The following SLC14A2 variants were observed in gnomAD, a reference collection of about 807,000 sequenced individuals.
The protein encoded by SLC14A2 is solute carrier family 14 member 2, also known as urea transporter 2.
Under a neutral mutation model 104.6 loss-of-function variants are expected in SLC14A2, and 91 were observed. The ratio of observed to expected loss-of-function variants is 0.87; its 90% CI spans 0.73 to 1.04. The LOEUF (loss-of-function observed/expected upper bound fraction) is 1.04, where lower values mean the gene tolerates loss of function less well. Among genes scored for constraint, SLC14A2 ranks in the 50% least tolerant of loss-of-function variants. The pLI is 0.00. For synonymous variants in SLC14A2, 476 were observed against 466.4 expected (o/e 1.02, Z -0.27); for missense variants, 1,189 against 1,156.0 (o/e 1.03, Z -0.41).
chr18:45,315,199 G>T lies in SLC14A2; in HGVS notation c.-125+102008G>T, dbSNP rs1226086202. ...CAGGGGCCTCCAGAAGGGAGAAGTT[G>T]AATCATTGGAGTAGTGGGACAAGGG... On this transcript the variant is annotated intron_variant, in intron 1 of 20. Coordinates refer to the SLC14A2 transcript ENST00000586448. Among the ~76,000 whole-genome samples the T allele has an allele frequency of 2.0e-5, 3 of 152,152 alleles. No individual in the cohort carries two copies. The East Asian group carries it at 5.8e-4, about 29-fold the overall frequency.
At chr18:45,445,438 A>G (rs1475746362) in intron 1 of SLC14A2, among the ~76,000 whole-genome samples, 1 of 152,142 alleles carries the variant, frequency 6.6e-6, no homozygotes, top group Non-Finnish European at 1.5e-5. Context: ...GACGTAAGAG[A>G]CATTTGTGAT....
chr18:45,216,776 C>T (rs570872132), intron 1 of SLC14A2, among the ~76,000 whole-genome samples: 2 of 152,296 alleles, frequency 1.3e-5, no homozygotes, highest in African/African-American at 2.4e-5. Flanking sequence ...TCCGATGTTT[C>T]GGTCAACTTA....
At chr18:45,456,496 G>T (rs2705369) in intron 1 of SLC14A2, among the ~76,000 whole-genome samples, 38,789 of 151,956 alleles carry the variant, frequency 0.26, 5,218 homozygotes, top group South Asian at 0.48. Context: ...CCTCAGTAAG[G>T]TGGCTGCATG....
intron 1 of SLC14A2, among the ~76,000 whole-genome samples, chr18:45,270,596 A>T (rs543053310): frequency 1.6e-3 from 243 of 152,276 alleles, no homozygotes; most frequent in African/African-American, 5.1e-3. Context: ...AGTTGTGCTT[A>T]GTTCCTGCAA....
intron 1 of SLC14A2, among the ~76,000 whole-genome samples, chr18:45,422,989 T>C (rs896885527): frequency 6.6e-6 from 1 of 152,190 alleles, no homozygotes; most frequent in Non-Finnish European, 1.5e-5. Flanking sequence ...ATCTTACTTT[T>C]CTACCTCGTT....
chr18:45,245,439 C>A (rs2084359408), intron 1 of SLC14A2, among the ~76,000 whole-genome samples: 1 of 152,158 alleles, frequency 6.6e-6, no homozygotes, highest in Non-Finnish European at 1.5e-5. Flanking sequence ...CTCCCTCAGA[C>A]CCCATAATTA....
intron 1 of SLC14A2, among the ~76,000 whole-genome samples, chr18:45,426,255 G>C (rs762582074): frequency 6.6e-6 from 1 of 152,020 alleles, no homozygotes; most frequent in African/African-American, 2.4e-5. Flanking sequence ...CAAACTTTCT[G>C]TTCCTTGCTG....
chr18:45,199,082 A>G, the SLC14A2 span, among the ~76,000 whole-genome samples: 1 of 152,150 alleles, frequency 6.6e-6, no homozygotes, highest in African/African-American at 2.4e-5. Flanking sequence ...TTACTCTTGA[A>G]GGCATAAAAT....
chr18:45,259,845 T>C (rs1488956737), intron 1 of SLC14A2, among the ~76,000 whole-genome samples: 1 of 152,164 alleles, frequency 6.6e-6, no homozygotes, highest in Non-Finnish European at 1.5e-5. Flanking sequence ...TCTGGGGAAG[T>C]AGATGGCAGG....
chr18:45,214,377 T>C (rs1264405366), intron 1 of SLC14A2, among the ~76,000 whole-genome samples: 1 of 152,048 alleles, frequency 6.6e-6, no homozygotes, highest in Non-Finnish European at 1.5e-5. Flanking sequence ...GGTCTCTGGG[T>C]TGGGGAGATA....
intron 1 of SLC14A2, among the ~76,000 whole-genome samples, chr18:45,363,572 C>T (rs1452622270): frequency 6.6e-6 from 1 of 152,104 alleles, no homozygotes; most frequent in Non-Finnish European, 1.5e-5. Context: ...ATTGTCCCAG[C>T]TCAGACTCAT....
At chr18:45,630,004 C>T (rs1301585547) in intron 4 of SLC14A2, among the ~76,000 whole-genome samples, 2 of 152,368 alleles carry the variant, frequency 1.3e-5, no homozygotes, top group East Asian at 3.9e-4. Context: ...CAGGGAGCCA[C>T]TCCTGATTCC....
chr18:45,326,434 T>C (rs142790196), intron 1 of SLC14A2, among the ~76,000 whole-genome samples: 40 of 152,250 alleles, frequency 2.6e-4, no homozygotes, highest in African/African-American at 8.9e-4. Context: ...CTAAAATGTA[T>C]AGGAAAGCTA....
At chr18:45,232,054 T>C (rs1223165293) in intron 1 of SLC14A2, among the ~76,000 whole-genome samples, 1 of 149,284 alleles carries the variant, frequency 6.7e-6, no homozygotes, top group Non-Finnish European at 1.5e-5. Context: ...AAAAACAAAA[T>C]GATGAGTGAA....
At chr18:45,463,761 G>A (rs529616365) in intron 1 of SLC14A2, among the ~76,000 whole-genome samples, 2 of 152,326 alleles carry the variant, frequency 1.3e-5, no homozygotes, top group South Asian at 2.1e-4. Context: ...CCTAGTGAGA[G>A]TGTGTGGATA....
At chr18:45,353,159 T>C (rs1254305674) in intron 1 of SLC14A2, among the ~76,000 whole-genome samples, 1 of 152,206 alleles carries the variant, frequency 6.6e-6, no homozygotes, top group Non-Finnish European at 1.5e-5. Context: ...CCTGTTAAGC[T>C]AGGTTACCGT....
intron 1 of SLC14A2, among the ~76,000 whole-genome samples, chr18:45,283,905 T>C (rs2032887608): frequency 6.6e-6 from 1 of 152,162 alleles, no homozygotes; most frequent in South Asian, 2.1e-4. Flanking sequence ...AATGTCTAAA[T>C]TGAAGTGTGC....
chr18:45,415,623 G>A (rs1194655867), intron 1 of SLC14A2, among the ~76,000 whole-genome samples: 1 of 152,058 alleles, frequency 6.6e-6, no homozygotes, highest in Non-Finnish European at 1.5e-5. Context: ...ACTGATAATG[G>A]TTGAAATAAA....
At chr18:45,422,878 G>A (rs560040929) in intron 1 of SLC14A2, among the ~76,000 whole-genome samples, 21 of 152,220 alleles carry the variant, frequency 1.4e-4, no homozygotes, top group Non-Finnish European at 2.8e-4. Flanking sequence ...TCATCAGTGC[G>A]ATTTGTACAC....
Sources: gnomAD v4.1 joint callset for allele counts (sites outside exome capture counted in the v4.1 genomes callset) on GRCh38, gnomAD v4.1.1 for gene constraint, MANE v1.5 for transcripts, NCBI Gene and HGNC (gene_info 2026-07-23, HGNC 2026-07-21) for gene names.